The following SNTG2 variants were observed in gnomAD, a reference collection of about 807,000 sequenced individuals.
SNTG2 encodes gamma-2-syntrophin.
In SNTG2, 74 loss-of-function variants were observed where a neutral mutation model predicts 70.9. That is an observed-to-expected ratio of 1.04 (90% CI 0.86 to 1.27). The LOEUF (loss-of-function observed/expected upper bound fraction) is 1.27. SNTG2 is among the 50% of genes most tolerant of loss of function. The probability of loss-of-function intolerance (pLI) is 0.00; values close to 1 mark genes in which losing one functional copy is unlikely to be tolerated. For synonymous variants in SNTG2, 278 were observed against 273.8 expected, an observed-to-expected ratio of 1.02 and a Z score of -0.15; for missense variants, 717 against 690.7, an observed-to-expected ratio of 1.04 and a Z score of -0.43.
intron 9 of SNTG2, among the ~76,000 whole-genome samples, chr2:1,229,936 G>A (rs943668179): frequency 2.6e-5 from 4 of 152,314 alleles, no homozygotes; most frequent in African/African-American, 7.2e-5. Flanking sequence ...CAGCTGGCCC[G>A]CAAGCGCCGC....
chr2:1,084,374 G>A (rs1490015572), intron 2 of SNTG2, among the ~76,000 whole-genome samples: 1 of 152,200 alleles, frequency 6.6e-6, no homozygotes, highest in East Asian at 1.9e-4. Flanking sequence ...CCGTTCTGCT[G>A]TTGATGTGTA....
intron 12 of SNTG2, among the ~76,000 whole-genome samples, chr2:1,258,475 GT>G (rs1445155628): frequency 1.3e-5 from 2 of 152,196 alleles, no homozygotes; most frequent in East Asian, 3.8e-4. Flanking sequence ...AAAACTATTT[GT>G]GTAACTTTCC....
chr2:1,265,633 A>G (rs1412990878), intron 13 of SNTG2, among the ~76,000 whole-genome samples: 1 of 152,196 alleles, frequency 6.6e-6, no homozygotes, highest in Non-Finnish European at 1.5e-5. Context: ...CTGTGCCTAG[A>G]GTGCATGTGT....
At chr2:1,041,451 G>T (rs923052541) in intron 1 of SNTG2, among the ~76,000 whole-genome samples, 1 of 152,064 alleles carries the variant, frequency 6.6e-6, no homozygotes, top group Non-Finnish European at 1.5e-5. Flanking sequence ...ATTGCTAGCC[G>T]ATATAGTTTG....
intron 11 of SNTG2, among the ~76,000 whole-genome samples, chr2:1,240,318 G>T (rs953574045): frequency 6.6e-6 from 1 of 152,128 alleles, no homozygotes; most frequent in African/African-American, 2.4e-5. Context: ...AGCTACCTTT[G>T]TAGCCACCCT....
chr2:1,325,390 CTG>C (rs1366826260), intron 16 of SNTG2, among the ~76,000 whole-genome samples: 2 of 152,186 alleles, frequency 1.3e-5, no homozygotes, highest in Non-Finnish European at 2.9e-5. Context: ...CTTTTTTACT[CTG>C]TAAACAAAAT....
intron 1 of SNTG2, among the ~76,000 whole-genome samples, chr2:1,025,829 G>A (rs1018160045): frequency 5.3e-5 from 8 of 152,186 alleles, no homozygotes; most frequent in African/African-American, 1.4e-4. Flanking sequence ...TGCAGATGTG[G>A]ATATTTTTGT....
chr2:1,017,944 C>T (rs1659958883), intron 1 of SNTG2, among the ~76,000 whole-genome samples: 1 of 152,168 alleles, frequency 6.6e-6, no homozygotes, highest in Non-Finnish European at 1.5e-5. Flanking sequence ...TCTTTAGGCT[C>T]TTCCCCTTCA....
rs141984555 is a variant in SNTG2, at chr2:1,303,494, C to T, written c.1285-5000C>T. On this transcript the variant is annotated intron_variant, in intron 14 of 16. Coordinates refer to ENST00000308624, the MANE Select transcript of SNTG2 (RefSeq NM_018968.4). The stretch of plus-strand genomic sequence containing the variant: ...GTGAGGCACAGCTGAATCAGGGCTG[C>T]GCAGGAAATTTACGGCATTAACAGC... Among the ~76,000 whole-genome samples, 703 of 152,168 alleles carry T rather than the reference C, an allele frequency of 4.6e-3. 11 individuals carry two copies. The highest frequency in any genetic ancestry group is 0.016 in the African/African-American group (682 of 41,498).
At chr2:1,251,474 A>T (rs1386723767) in intron 12 of SNTG2, among the ~76,000 whole-genome samples, 1 of 142,560 alleles carries the variant, frequency 7.0e-6, no homozygotes, top group African/African-American at 2.6e-5. Context: ...CACACACACC[A>T]CTCATGCACA....
chr2:960,801 T>G (rs1660323373), intron 1 of SNTG2, among the ~76,000 whole-genome samples: 1 of 150,478 alleles, frequency 6.6e-6, no homozygotes, highest in Non-Finnish European at 1.5e-5. Context: ...GGGGTGCTCC[T>G]AATGCCTGTT....
chr2:1,142,255 G>C (rs1668805039), intron 6 of SNTG2, among the ~76,000 whole-genome samples: 1 of 152,152 alleles, frequency 6.6e-6, no homozygotes, highest in Admixed American at 6.5e-5. Context: ...TGATCAATTA[G>C]CCATGGCTAG....
intron 6 of SNTG2, among the ~76,000 whole-genome samples, chr2:1,143,955 A>C (rs554211144): frequency 2.2e-4 from 28 of 127,246 alleles, no homozygotes; most frequent in South Asian, 7.9e-4. Context: ...AGGAAAAAAA[A>C]CAGAAATTTA....
intron 14 of SNTG2, among the ~76,000 whole-genome samples, chr2:1,283,748 C>T (rs1451002267): frequency 6.6e-6 from 1 of 152,162 alleles, no homozygotes; most frequent in Non-Finnish European, 1.5e-5. Flanking sequence ...TAGGTATGCC[C>T]GGTCATTCGT....
chr2:1,204,758 TTA>T (rs1172983628), intron 8 of SNTG2, among the ~76,000 whole-genome samples: 2 of 152,214 alleles, frequency 1.3e-5, no homozygotes, highest in African/African-American at 4.8e-5. Context: ...TTAAACTTTA[TTA>T]TAAGTGTGTG....
intron 2 of SNTG2, 49 bp downstream of exon 2, chr2:1,083,704 C>T: frequency 2.5e-6 from 4 of 1,603,042 alleles, no homozygotes; most frequent in Non-Finnish European, 2.6e-6. Flanking sequence ...GGACGAGCCC[C>T]ATGAACGGTC....
chr2:1,113,718 G>C (rs1252051384), intron 4 of SNTG2, among the ~76,000 whole-genome samples: 1 of 151,536 alleles, frequency 6.6e-6, no homozygotes, highest in Non-Finnish European at 1.5e-5. Context: ...TGGGTACTGA[G>C]GATTAACCCT....
At chr2:1,051,077 C>G (rs935603488) in intron 1 of SNTG2, among the ~76,000 whole-genome samples, 1 of 150,816 alleles carries the variant, frequency 6.6e-6, no homozygotes, top group Non-Finnish European at 1.5e-5. Context: ...TTTGGATTAT[C>G]TCCATGCTCA....
At chr2:1,283,286 G>A (rs917361444) in intron 14 of SNTG2, among the ~76,000 whole-genome samples, 1 of 152,236 alleles carries the variant, frequency 6.6e-6, no homozygotes, top group East Asian at 1.9e-4. Flanking sequence ...CCCCTGCTGG[G>A]CCCGTGCACA....
Sources: gnomAD v4.1 joint callset for allele counts (sites outside exome capture counted in the v4.1 genomes callset) on GRCh38, gnomAD v4.1.1 for gene constraint, MANE v1.5 for transcripts, NCBI Gene and HGNC (gene_info 2026-07-23, HGNC 2026-07-21) for gene names.